LTBP1: variants seen among roughly 807,000 people sequenced by gnomAD.
LTBP1 encodes latent-transforming growth factor beta-binding protein 1.
In LTBP1, 129 loss-of-function variants were observed where a neutral mutation model predicts 207.6. The observed-to-expected ratio is 0.62, with a 90% CI of 0.54 to 0.72. The LOEUF is 0.72. LTBP1 is among the 30% of genes least tolerant of loss of function. The pLI is 0.00. For synonymous variants in LTBP1, 963 were observed against 833.7 expected (o/e 1.16, Z -2.67); for missense variants, 2,281 against 2,217.2 (o/e 1.03, Z -0.58).
chr2:33,217,539 C>T lies in LTBP1; in HGVS notation c.1702-13C>T, dbSNP rs2090802898. 1 of 1,594,644 alleles carries T rather than the reference C, an allele frequency of 6.3e-7. No individual in the cohort carries two copies. Among genetic ancestry groups the T allele is most frequent in the Admixed American group, 1.7e-5 (1 of 59,956 alleles). Reference sequence around the variant, plus strand: ...CTCAATTAACCTTCATATTTCACACCTAATCATTGCAGTGTGGCAAAGCGC... The same window carrying T: ...CTCAATTAACCTTCATATTTCACACTTAATCATTGCAGTGTGGCAAAGCGC... On this transcript the variant is annotated splice_polypyrimidine_tract_variant and intron_variant, in intron 7 of 33. Transcript: ENST00000404816.
intron 26 of LTBP1, 45 bp from the exon 27 acceptor site, chr2:33,360,552 T>C: frequency 7.6e-7 from 1 of 1,307,850 alleles, no homozygotes; most frequent in Non-Finnish European, 1.1e-6. Context: ...TCTTAGGTAG[T>C]TCTGATGTGT....
intron 3 of LTBP1, chr2:33,056,378 A>G: frequency 8.0e-7 from 1 of 1,252,864 alleles, no homozygotes; most frequent in Non-Finnish European, 1.0e-6. Flanking sequence ...TTGGTAACAG[A>G]ATGGCCTGGA....
chr2:33,163,660 A>G (rs2148196875), intron 5 of LTBP1, among the ~76,000 whole-genome samples: 1 of 152,342 alleles, frequency 6.6e-6, no homozygotes, highest in East Asian at 1.9e-4. Context: ...TGTGTGTTAT[A>G]TATATGTAAC....
At chr2:33,210,007 T>C (rs975867088) in intron 7 of LTBP1, among the ~76,000 whole-genome samples, 1 of 152,248 alleles carries the variant, frequency 6.6e-6, no homozygotes, top group Non-Finnish European at 1.5e-5. Flanking sequence ...AAGATGTGAA[T>C]GTTTTTCTAT....
chr2:33,182,118 T>TAA (rs879763958), intron 5 of LTBP1, among the ~76,000 whole-genome samples: 132 of 152,224 alleles, frequency 8.7e-4, no homozygotes, highest in Non-Finnish European at 1.2e-3. Context: ...ATACTGGACT[T>TAA]TTATTGGTTG....
intron 4 of LTBP1, among the ~76,000 whole-genome samples, chr2:33,123,705 T>G (rs2081277080): frequency 6.6e-6 from 1 of 152,208 alleles, no homozygotes; most frequent in Non-Finnish European, 1.5e-5. Context: ...AATTTGGACA[T>G]AGGCTTCTTT....
chr2:33,283,524 C>T (rs990734967), intron 19 of LTBP1, among the ~76,000 whole-genome samples: 2 of 149,482 alleles, frequency 1.3e-5, no homozygotes, highest in African/African-American at 4.9e-5. Flanking sequence ...GCAACCTCCA[C>T]CTCCCGGATT....
chr2:32,982,184 A>T (rs952956966), intron 2 of LTBP1, among the ~76,000 whole-genome samples: 5 of 152,122 alleles, frequency 3.3e-5, no homozygotes, highest in Admixed American at 2.6e-4. Context: ...TCAGATAGAG[A>T]TGAGGAACTT....
rs11343415 is a variant in LTBP1, at chr2:33,204,570, CTT to C, written c.1702-12972_1702-12971del. Among the ~76,000 whole-genome samples, 64 of 149,918 alleles carry C rather than the reference CTT, an allele frequency of 4.3e-4. 1 individual carries two copies. Among genetic ancestry groups the C allele is most frequent in the Admixed American group, 3.6e-3 (54 of 15,058 alleles). ...CATTCTGTGGCTTCAAGATAAGCCTCTTTTTTTTTTTCTTTTTCTTTTTTTAA... is the reference window on the plus strand; with the variant it reads ...CATTCTGTGGCTTCAAGATAAGCCTCTTTTTTTTTCTTTTTCTTTTTTTAA... On this transcript the variant is annotated intron_variant, in intron 7 of 33. Transcript: ENST00000404816.
chr2:33,375,521 G>A (rs187025160), intron 31 of LTBP1, among the ~76,000 whole-genome samples: 1 of 151,656 alleles, frequency 6.6e-6, no homozygotes, highest in East Asian at 2.0e-4. Flanking sequence ...ATGTTGAGTT[G>A]TTTGTTTGTT....
chr2:33,312,251 G>C (rs2094198562), intron 23 of LTBP1, among the ~76,000 whole-genome samples: 1 of 152,096 alleles, frequency 6.6e-6, no homozygotes, highest in African/African-American at 2.4e-5. Flanking sequence ...TAATAACCAT[G>C]GACATGTTTG....
At chr2:33,372,983 A>G (rs1312941209) in intron 31 of LTBP1, among the ~76,000 whole-genome samples, 4 of 152,228 alleles carry the variant, frequency 2.6e-5, no homozygotes, top group South Asian at 2.1e-4. Context: ...AAAATTATAC[A>G]TATTTGAACA....
chr2:33,373,405 A>G (rs1274363076), intron 31 of LTBP1, among the ~76,000 whole-genome samples: 1 of 152,232 alleles, frequency 6.6e-6, no homozygotes, highest in Non-Finnish European at 1.5e-5. Flanking sequence ...CTGATGAAAG[A>G]GCAAATGGAT....
At chr2:32,992,449 G>T (rs1276287504) in intron 2 of LTBP1, among the ~76,000 whole-genome samples, 1 of 152,194 alleles carries the variant, frequency 6.6e-6, no homozygotes, top group Non-Finnish European at 1.5e-5. Flanking sequence ...TTGTCCAAAA[G>T]AAGGGGAGTA....
intron 8 of LTBP1, among the ~76,000 whole-genome samples, chr2:33,218,261 AT>A (rs1175377845): frequency 5.9e-5 from 9 of 152,048 alleles, no homozygotes. Context: ...CCAGGCTTTG[AT>A]TTGCTTTTAT....
intron 19 of LTBP1, among the ~76,000 whole-genome samples, chr2:33,285,451 C>CT (rs199993814): frequency 0.39 from 48,203 of 124,112 alleles, 10,234 homozygotes; most frequent in African/African-American, 0.42. Flanking sequence ...CTTTCTTTTT[C>CT]TTTTTTTTTT....
At chr2:33,186,347 T>G (rs1174615640) in intron 5 of LTBP1, among the ~76,000 whole-genome samples, 1 of 152,180 alleles carries the variant, frequency 6.6e-6, no homozygotes, top group African/African-American at 2.4e-5. Context: ...CGTAATCACA[T>G]CATGGAGAAT....
intron 3 of LTBP1, among the ~76,000 whole-genome samples, chr2:33,056,081 A>G (rs551192910): frequency 1.3e-5 from 2 of 152,322 alleles, no homozygotes; most frequent in South Asian, 4.1e-4. Context: ...TCCCTCTTAC[A>G]GAAAAAGTCA....
chr2:33,267,947 G>A (rs1355044585), intron 15 of LTBP1, among the ~76,000 whole-genome samples: 1 of 152,182 alleles, frequency 6.6e-6, no homozygotes, highest in African/African-American at 2.4e-5. Context: ...AGAAATACAG[G>A]GCTGACATCT....
Sources: allele counts gnomAD v4.1 joint callset (sites outside exome capture counted in the v4.1 genomes callset), GRCh38; gene constraint gnomAD v4.1.1; transcripts MANE v1.5; gene names NCBI Gene and HGNC (gene_info 2026-07-23, HGNC 2026-07-21).